The following CDC42SE2 variants were observed in gnomAD, a reference collection of about 807,000 sequenced individuals.
The protein encoded by CDC42SE2 is CDC42 small effector protein 2.
CDC42SE2 carries 3 observed loss-of-function variants against 11.5 expected under a neutral mutation model. That is an observed-to-expected ratio of 0.26 (90% CI 0.12 to 0.67). CDC42SE2 has a LOEUF of 0.67. CDC42SE2 is among the 30% of genes least tolerant of loss of function. The pLI is 0.80. For missense variants in CDC42SE2, 82 were observed against 106.8 expected, an observed-to-expected ratio of 0.77 and a Z score of 1.02; for synonymous variants, 33 against 34.8, an observed-to-expected ratio of 0.95 and a Z score of 0.18.
rs1416927976 is a variant in CDC42SE2, at chr5:131,354,383, A to G, written c.-285-4826A>G. On this transcript the variant is annotated intron_variant, in intron 2 of 4. Coordinates refer to ENST00000505065, the MANE Select transcript of CDC42SE2 (RefSeq NM_001375635.1). ...CAGGAGCCCATAAGCACCTCTTCCT[A>G]TTTGTAATCCTTGCCCTCAGGCCTA... Among the ~76,000 whole-genome samples, 3 of 152,152 alleles carry G rather than the reference A, an allele frequency of 2.0e-5. No individual in the cohort carries two copies. In the East Asian group the frequency reaches 5.8e-4, roughly 29 times the overall value.
the CDC42SE2 span, among the ~76,000 whole-genome samples, chr5:131,222,314 A>G: frequency 6.6e-6 from 1 of 152,220 alleles, no homozygotes; most frequent in African/African-American, 2.4e-5. Flanking sequence ...AGATTTTTAT[A>G]TACTGGTTAA....
At chr5:131,354,959 A>G (rs1463967142) in intron 2 of CDC42SE2, among the ~76,000 whole-genome samples, 1 of 152,198 alleles carries the variant, frequency 6.6e-6, no homozygotes, top group Non-Finnish European at 1.5e-5. Context: ...TTGGGACTAC[A>G]GGTGTGAGCC....
chr5:131,247,544 G>A (rs1057354772), intron 1 of CDC42SE2, among the ~76,000 whole-genome samples: 11 of 152,002 alleles, frequency 7.2e-5, no homozygotes, highest in Admixed American at 2.0e-4. Context: ...ACTTGAACCC[G>A]GGAGGTGGAA....
intron 3 of CDC42SE2, among the ~76,000 whole-genome samples, chr5:131,361,952 T>A (rs1311098711): frequency 6.6e-6 from 1 of 152,150 alleles, no homozygotes; most frequent in Non-Finnish European, 1.5e-5. Flanking sequence ...CTCTCGACGT[T>A]TGGCTGTCTA....
intron 1 of CDC42SE2, among the ~76,000 whole-genome samples, chr5:131,252,542 A>G (rs1756649240): frequency 6.6e-6 from 1 of 152,198 alleles, no homozygotes; most frequent in Admixed American, 6.5e-5. Flanking sequence ...CTATAATCCC[A>G]GCTACTCGGG....
chr5:131,249,221 T>C (rs1463147588), intron 1 of CDC42SE2, among the ~76,000 whole-genome samples: 1 of 151,588 alleles, frequency 6.6e-6, no homozygotes, highest in Non-Finnish European at 1.5e-5. Flanking sequence ...TTTCACCATG[T>C]TAACTAGGCT....
chr5:131,285,833 C>T (rs1757328554), intron 1 of CDC42SE2, among the ~76,000 whole-genome samples: 1 of 152,134 alleles, frequency 6.6e-6, no homozygotes, highest in Non-Finnish European at 1.5e-5. Context: ...GGTACCACAG[C>T]TTCTTCCAGT....
At chr5:131,343,343 CCTG>C (rs1758758478) in intron 2 of CDC42SE2, among the ~76,000 whole-genome samples, 1 of 152,120 alleles carries the variant, frequency 6.6e-6, no homozygotes, top group Non-Finnish European at 1.5e-5. Context: ...ACACTGAAAA[CCTG>C]CTGTGTTTGT....
At chr5:131,238,280 G>A in the CDC42SE2 span, among the ~76,000 whole-genome samples, 1 of 151,982 alleles carries the variant, frequency 6.6e-6, no homozygotes, top group Non-Finnish European at 1.5e-5. Context: ...GATGGATCGC[G>A]AGGTCAGGAG....
At chr5:131,268,462 T>C (rs1390664377) in intron 1 of CDC42SE2, among the ~76,000 whole-genome samples, 1 of 151,920 alleles carries the variant, frequency 6.6e-6, no homozygotes, top group Non-Finnish European at 1.5e-5. Context: ...TTTTCTTTTT[T>C]TTTTTCTGAG....
intron 2 of CDC42SE2, among the ~76,000 whole-genome samples, chr5:131,339,005 T>C (rs189398956): frequency 3.3e-5 from 5 of 152,014 alleles, no homozygotes; most frequent in Non-Finnish European, 7.4e-5. Flanking sequence ...CCCAGCACTT[T>C]GGGAGACCGA....
At chr5:131,381,955 T>C (rs1750340479) in intron 3 of CDC42SE2, among the ~76,000 whole-genome samples, 1 of 152,216 alleles carries the variant, frequency 6.6e-6, no homozygotes, top group African/African-American at 2.4e-5. Flanking sequence ...ACAACACAGT[T>C]GCTCCTTTCA....
At chr5:131,312,660 C>T (rs920050709) in intron 1 of CDC42SE2, among the ~76,000 whole-genome samples, 2 of 152,146 alleles carry the variant, frequency 1.3e-5, no homozygotes, top group South Asian at 4.1e-4. Flanking sequence ...TTTTTTAAGC[C>T]CCTCGGAAAA....
the CDC42SE2 span, among the ~76,000 whole-genome samples, chr5:131,229,745 G>A: frequency 6.6e-6 from 1 of 152,078 alleles, no homozygotes; most frequent in Non-Finnish European, 1.5e-5. Context: ...ACCAGCCTAG[G>A]CAACATGGGG....
chr5:131,312,593 C>T (rs1035003422), intron 1 of CDC42SE2, among the ~76,000 whole-genome samples: 2 of 152,192 alleles, frequency 1.3e-5, no homozygotes, highest in African/African-American at 4.8e-5. Context: ...ATCAGCGATA[C>T]TCCGTGGGCG....
intron 4 of CDC42SE2, among the ~76,000 whole-genome samples, chr5:131,389,788 C>CTGAT (rs1750593820): frequency 1.3e-5 from 2 of 152,108 alleles, no homozygotes; most frequent in African/African-American, 4.8e-5. Context: ...GCCCTTTGAG[C>CTGAT]TGATTCCATG....
chr5:131,249,010 A>G (rs1580714620), intron 1 of CDC42SE2, among the ~76,000 whole-genome samples: 1 of 136,590 alleles, frequency 7.3e-6, no homozygotes, highest in South Asian at 2.3e-4. Flanking sequence ...TAGCCAGGTT[A>G]CATCTTTTTT....
chr5:131,253,521 T>C (rs1177305204), intron 1 of CDC42SE2, among the ~76,000 whole-genome samples: 1 of 152,132 alleles, frequency 6.6e-6, no homozygotes, highest in African/African-American at 2.4e-5. Flanking sequence ...TCCCAGCACT[T>C]TGGGAGGCCG....
chr5:131,335,754 G>C (rs902928772), intron 2 of CDC42SE2, among the ~76,000 whole-genome samples: 2 of 152,206 alleles, frequency 1.3e-5, no homozygotes, highest in South Asian at 2.1e-4. Flanking sequence ...ATCTTTGCTG[G>C]TTTAAAGTCT....
Sources: gnomAD v4.1 joint callset for allele counts (sites outside exome capture counted in the v4.1 genomes callset) on GRCh38, gnomAD v4.1.1 for gene constraint, MANE v1.5 for transcripts, NCBI Gene and HGNC (gene_info 2026-07-23, HGNC 2026-07-21) for gene names.